NBAS: variants seen among roughly 807,000 people sequenced by gnomAD.
NBAS encodes the protein NAG/BC035112 fusion.
A neutral mutation model predicts 302.5 loss-of-function variants in NBAS; 219 were observed. The observed-to-expected ratio is 0.72, with a 90% CI of 0.65 to 0.81. NBAS has a LOEUF of 0.81. Among genes scored for constraint, NBAS ranks in the 30% least tolerant of loss-of-function variants. The probability of loss-of-function intolerance (pLI) is 0.00; values close to 1 mark genes in which losing one functional copy is unlikely to be tolerated. For missense variants in NBAS, 2,932 were observed against 2,841.6 expected, an observed-to-expected ratio of 1.03 and a Z score of -0.72; for synonymous variants, 1,118 against 1,021.6, an observed-to-expected ratio of 1.09 and a Z score of -1.80.
At chr2:15,101,516 A>T in the NBAS span, among the ~76,000 whole-genome samples, 1 of 152,070 alleles carries the variant, frequency 6.6e-6, no homozygotes, top group South Asian at 2.1e-4. Flanking sequence ...ATAGTAATAG[A>T]TATAAATTAT....
At chr2:15,251,340 G>T (rs1279298076) in intron 44 of NBAS, among the ~76,000 whole-genome samples, 1 of 152,126 alleles carries the variant, frequency 6.6e-6, no homozygotes, top group Non-Finnish European at 1.5e-5. Context: ...ATAGCATTAG[G>T]GGAAATAGCT....
intron 11 of NBAS, among the ~76,000 whole-genome samples, chr2:15,503,004 T>A (rs1053113984): frequency 6.6e-6 from 1 of 152,260 alleles, no homozygotes; most frequent in Non-Finnish European, 1.5e-5. Flanking sequence ...TTTTATTTTA[T>A]GCTTTTACTT....
chr2:15,054,059 ATCCC>A, the NBAS span, among the ~76,000 whole-genome samples: 1 of 152,112 alleles, frequency 6.6e-6, no homozygotes, highest in East Asian at 1.9e-4. Context: ...GAGGTCAACA[ATCCC>A]CTCCAAACAG....
intron 41 of NBAS, among the ~76,000 whole-genome samples, chr2:15,290,676 T>A (rs1670266636): frequency 6.6e-6 from 1 of 152,196 alleles, no homozygotes; most frequent in South Asian, 2.1e-4. Flanking sequence ...AGCTCTCTAG[T>A]TCTGATTCCT....
chr2:15,544,914 A>G (rs4571032), intron 6 of NBAS, among the ~76,000 whole-genome samples: 96,848 of 151,876 alleles, frequency 0.64, 31,613 homozygotes, highest in Non-Finnish European at 0.68. Context: ...AGGAGGCTGA[A>G]GCATGAGAAC....
Position 15,179,006 on chromosome 2 carries a change from T to C in NBAS, c.6822A>G (p.Gln2274=), listed in dbSNP as rs764490094. 3.1e-6 allele frequency: 5 copies of C among 1,613,786 alleles called. No homozygotes were observed. The highest frequency in any genetic ancestry group is 2.2e-5 in the East Asian group (1 of 44,870). The change falls in exon 51 of 52, where the codon CAA becomes CAG. Residue 2274 remains glutamine (Q), a synonymous_variant. Coordinates refer to ENST00000281513, the MANE Select transcript of NBAS (RefSeq NM_015909.4). ...DEHLHEMALE[Q]ITAVTTVNDS... The stretch of plus-strand genomic sequence containing the variant: ...GGCATACCGTAGTGACTGCCGTGAT[T>C]TGCTCCAGTGCCATCTCGTGCAGAT...
At chr2:15,321,014 CCA>C (rs1397299385) in intron 38 of NBAS, among the ~76,000 whole-genome samples, 1 of 152,128 alleles carries the variant, frequency 6.6e-6, no homozygotes, top group Non-Finnish European at 1.5e-5. Context: ...GCTATAGTAA[CCA>C]AAACAGCATG....
chr2:14,918,340 G>T, the NBAS span, among the ~76,000 whole-genome samples: 1 of 151,028 alleles, frequency 6.6e-6, no homozygotes, highest in Non-Finnish European at 1.5e-5. Flanking sequence ...ACAATGTAAT[G>T]GTGTTTTCAT....
intron 1 of NBAS, 97 bp from the exon 2 acceptor site, chr2:15,558,731 TACTC>T (rs1664766681): frequency 1.0e-6 from 1 of 964,400 alleles, no homozygotes; most frequent in Admixed American, 2.0e-5. Flanking sequence ...TATTTACTAA[TACTC>T]AGAGTTTTGG....
chr2:15,461,851 G>T, intron 19 of NBAS, 60 bp from the exon 20 acceptor site: 1 of 924,306 alleles, frequency 1.1e-6, no homozygotes, highest in Non-Finnish European at 1.7e-6. Context: ...TGGGTGACAA[G>T]AAAATATTAA....
intron 40 of NBAS, among the ~76,000 whole-genome samples, chr2:15,304,665 G>A (rs1052330302): frequency 2.6e-5 from 4 of 152,220 alleles, no homozygotes; most frequent in Non-Finnish European, 5.9e-5. Context: ...CGGAGATGAG[G>A]AACTTGTTGG....
chr2:15,343,911 A>G (rs911268142), intron 35 of NBAS, among the ~76,000 whole-genome samples: 2 of 151,784 alleles, frequency 1.3e-5, no homozygotes, highest in African/African-American at 4.8e-5. Flanking sequence ...CAGCATTAAG[A>G]AAACAAAAAG....
the NBAS span, among the ~76,000 whole-genome samples, chr2:14,863,919 C>CAAGG: frequency 6.6e-6 from 1 of 152,316 alleles, no homozygotes; most frequent in Non-Finnish European, 1.5e-5. Flanking sequence ...GGTCTCATAT[C>CAAGG]AGTTCTTCCA....
intron 5 of NBAS, 118 bp from the exon 6 acceptor site, chr2:15,551,654 C>A: frequency 1.5e-6 from 1 of 684,532 alleles, no homozygotes; most frequent in South Asian, 2.1e-5. Context: ...TATCTCCTCT[C>A]AGACATGGTT....
chr2:15,534,039 T>TG (rs943412043), intron 9 of NBAS, among the ~76,000 whole-genome samples: 8 of 151,996 alleles, frequency 5.3e-5, no homozygotes. Flanking sequence ...AAGTAGAAAA[T>TG]GCCATAAGGT....
the NBAS span, among the ~76,000 whole-genome samples, chr2:15,025,014 T>C: frequency 6.6e-6 from 1 of 152,198 alleles, no homozygotes; most frequent in African/African-American, 2.4e-5. Context: ...TTGCTTTTGA[T>C]GTTTTCATCA....
the NBAS span, among the ~76,000 whole-genome samples, chr2:15,144,056 T>TATAC: frequency 2.1e-5 from 3 of 140,842 alleles, no homozygotes; most frequent in Admixed American, 1.4e-4. Context: ...AAAATATATA[T>TATAC]ATATATATAT....
At chr2:15,150,130 G>C in the NBAS span, among the ~76,000 whole-genome samples, 2 of 151,802 alleles carry the variant, frequency 1.3e-5, no homozygotes. Context: ...TAATTATATG[G>C]GAAGCATTGT....
At chr2:15,127,764 GT>G in the NBAS span, among the ~76,000 whole-genome samples, 1 of 152,110 alleles carries the variant, frequency 6.6e-6, no homozygotes, top group Admixed American at 6.5e-5. Flanking sequence ...CGTAAATGTG[GT>G]GCTGAAGGGG....
Sources: gnomAD v4.1 joint callset for allele counts (sites outside exome capture counted in the v4.1 genomes callset) on GRCh38, gnomAD v4.1.1 for gene constraint, MANE v1.5 for transcripts, NCBI Gene and HGNC (gene_info 2026-07-23, HGNC 2026-07-21) for gene names.